Variants in TTLL5 observed in about 807,000 individuals in gnomAD.
The protein encoded by TTLL5 is tubulin tyrosine ligase like 5.
In TTLL5, 132 loss-of-function variants were observed where a neutral mutation model predicts 168.4. The observed-to-expected ratio is 0.78, with a 90% CI of 0.68 to 0.91. The LOEUF is 0.91. TTLL5 is among the 40% of genes least tolerant of loss of function. The pLI is 0.00. For missense variants in TTLL5, 1,545 were observed against 1,581.5 expected (o/e 0.98, Z 0.39); for synonymous variants, 546 against 558.6 (o/e 0.98, Z 0.32).
chr14:75,691,010 G>C (rs1402695818), intron 6 of TTLL5, among the ~76,000 whole-genome samples: 1 of 152,076 alleles, frequency 6.6e-6, no homozygotes, highest in African/African-American at 2.4e-5. Flanking sequence ...CATTCTTTCA[G>C]CCTTGATTTC....
Position 75,719,821 on chromosome 14 carries a change from C to G in TTLL5, c.929C>G (p.Thr310Arg), listed in dbSNP as rs769693663. 1 of 1,613,690 alleles carries G rather than the reference C, an allele frequency of 6.2e-7. No homozygotes were observed. Among genetic ancestry groups the G allele is most frequent in the African/African-American group, 1.3e-5 (1 of 74,912 alleles). ...TACCTGAAACAAGAAGGCAGAGATACAACCGGTGAGTACTGGGCCTTTTTC... is the reference window on the plus strand; with the variant it reads ...TACCTGAAACAAGAAGGCAGAGATAGAACCGGTGAGTACTGGGCCTTTTTC... Reference protein sequence around the residue: ...LRYLKQEGRDTTALMAHVEDL... With the variant: ...LRYLKQEGRDRTALMAHVEDL... Residue 310 changes from threonine to arginine, a missense_variant, in exon 11 of 32, where the codon ACA becomes AGA. By Grantham distance (71) the Thr-to-Arg change is moderately conservative. Transcript: ENST00000298832.
chr14:75,713,856 T>G (rs1288637454), intron 9 of TTLL5, among the ~76,000 whole-genome samples: 1 of 152,208 alleles, frequency 6.6e-6, no homozygotes, highest in Non-Finnish European at 1.5e-5. Flanking sequence ...GAAACCGTTT[T>G]GAACTTATAG....
intron 21 of TTLL5, among the ~76,000 whole-genome samples, chr14:75,774,881 G>A (rs1196018324): frequency 6.6e-6 from 1 of 151,950 alleles, no homozygotes; most frequent in Non-Finnish European, 1.5e-5. Context: ...TAGAAATGCA[G>A]TTTTACTGTG....
At position 75,721,592 on chromosome 14, in the gene TTLL5, G is replaced by A. The variant is rs1327558111; in HGVS notation, c.1042+889G>A. Among the ~76,000 whole-genome samples the A allele has an allele frequency of 2.0e-5, 3 of 152,128 alleles. No homozygotes were observed. In the East Asian group the frequency reaches 5.8e-4, roughly 29 times the overall value. On this transcript the variant is annotated intron_variant, in intron 12 of 31. Transcript: ENST00000298832. ...CCTAACAGCCTTAGTTTGTAACCAT[G>A]TATATCCATATCTAGTTTTGTGATT...
At chr14:75,914,364 GA>G (rs1331846068) in intron 31 of TTLL5, among the ~76,000 whole-genome samples, 1 of 151,788 alleles carries the variant, frequency 6.6e-6, no homozygotes, top group African/African-American at 2.4e-5. Context: ...AGACCCTAAA[GA>G]AAAGAACACA....
chr14:75,759,988 G>C (rs1237573093), intron 18 of TTLL5, among the ~76,000 whole-genome samples: 1 of 151,942 alleles, frequency 6.6e-6, no homozygotes, highest in East Asian at 1.9e-4. Flanking sequence ...TTTTATTCAC[G>C]TTGTACATTA....
intron 28 of TTLL5, among the ~76,000 whole-genome samples, chr14:75,839,771 G>A (rs1000969297): frequency 5.3e-5 from 8 of 152,282 alleles, no homozygotes; most frequent in African/African-American, 1.7e-4. Context: ...CCATCCTAAC[G>A]GGTGTGATCT....
chr14:75,792,804 A>G, intron 26 of TTLL5, 112 bp from the exon 27 acceptor site: 1 of 859,182 alleles, frequency 1.2e-6, no homozygotes, highest in Admixed American at 3.4e-5. Context: ...ATATTATTAA[A>G]GATCCTTAGG....
At chr14:75,700,198 C>T (rs1489116256) in intron 7 of TTLL5, among the ~76,000 whole-genome samples, 1 of 152,068 alleles carries the variant, frequency 6.6e-6, no homozygotes, top group East Asian at 1.9e-4. Context: ...ATGAGAGGGC[C>T]CCCGCTACCA....
At chr14:75,788,084 G>A (rs1011521308) in intron 26 of TTLL5, among the ~76,000 whole-genome samples, 9 of 151,990 alleles carry the variant, frequency 5.9e-5, no homozygotes, top group Non-Finnish European at 5.9e-5. Context: ...GCAGGAGTTC[G>A]AGACCAGTCT....
intron 27 of TTLL5, among the ~76,000 whole-genome samples, chr14:75,810,812 A>G (rs966003363): frequency 2.0e-5 from 3 of 152,238 alleles, no homozygotes; most frequent in African/African-American, 7.2e-5. Context: ...ATGAAGAAAC[A>G]AATATACACA....
chr14:75,925,115 G>A (rs535499612), intron 31 of TTLL5, among the ~76,000 whole-genome samples: 1,486 of 147,062 alleles, frequency 0.01, 76 homozygotes, highest in African/African-American at 0.036. Context: ...CCTCCCGGAC[G>A]GGGCGGCTGG....
At chr14:75,709,610 G>C (rs2140177593) in intron 9 of TTLL5, 1 of 171,796 alleles carries the variant, frequency 5.8e-6, no homozygotes, top group South Asian at 1.4e-4. Context: ...GCTCTAATCA[G>C]GTTTTTATAG....
At chr14:75,706,487 A>G (rs920899786) in intron 7 of TTLL5, among the ~76,000 whole-genome samples, 2 of 152,212 alleles carry the variant, frequency 1.3e-5, no homozygotes, top group South Asian at 2.1e-4. Context: ...CTCTTTGCAT[A>G]CAGTTGCTTA....
At chr14:75,902,398 G>A in intron 31 of TTLL5, 174 bp downstream of exon 31, 1 of 741,172 alleles carries the variant, frequency 1.3e-6, no homozygotes, top group South Asian at 1.6e-5. Flanking sequence ...AATAGTCTTG[G>A]CAGCCTAAAA....
At chr14:75,751,084 G>T (rs186439727) in intron 17 of TTLL5, among the ~76,000 whole-genome samples, 1 of 152,168 alleles carries the variant, frequency 6.6e-6, no homozygotes, top group Non-Finnish European at 1.5e-5. Context: ...TGAAGTCTTT[G>T]TATGGGCTCA....
At chr14:75,936,302 C>T (rs1424259300) in intron 31 of TTLL5, among the ~76,000 whole-genome samples, 1 of 152,168 alleles carries the variant, frequency 6.6e-6, no homozygotes, top group Admixed American at 6.5e-5. Flanking sequence ...TACTTTGCTC[C>T]AGCAAAGATT....
chr14:75,844,657 T>A (rs929538650), intron 28 of TTLL5, among the ~76,000 whole-genome samples: 1 of 152,196 alleles, frequency 6.6e-6, no homozygotes, highest in Non-Finnish European at 1.5e-5. Context: ...AAGAGCTCAG[T>A]TGGGAGTCTG....
chr14:75,679,875 G>A (rs1358941484), intron 3 of TTLL5, among the ~76,000 whole-genome samples: 3 of 152,202 alleles, frequency 2.0e-5, no homozygotes, highest in South Asian at 2.1e-4. Flanking sequence ...TGAAAAGGAC[G>A]AAGTGATTGA....
Sources: allele counts gnomAD v4.1 joint callset (sites outside exome capture counted in the v4.1 genomes callset), GRCh38; gene constraint gnomAD v4.1.1; transcripts MANE v1.5; gene names NCBI Gene and HGNC (gene_info 2026-07-23, HGNC 2026-07-21).